STX8: variants seen among roughly 807,000 people sequenced by gnomAD.
STX8 encodes syntaxin 8.
In STX8, 23 loss-of-function variants were observed where a neutral mutation model predicts 37.5. That is an observed-to-expected ratio of 0.61 (90% confidence interval 0.44 to 0.87). The LOEUF (loss-of-function observed/expected upper bound fraction) is 0.87, where lower values mean the gene tolerates loss of function less well. Among genes scored for constraint, STX8 ranks in the 40% least tolerant of loss-of-function variants. The pLI, the probability that STX8 is intolerant of heterozygous loss-of-function variation, is 0.00. For synonymous variants in STX8, 115 were observed against 99.1 expected, an observed-to-expected ratio of 1.16 and a Z score of -0.95; for missense variants, 313 against 284.7, an observed-to-expected ratio of 1.10 and a Z score of -0.71.
At chr17:9,549,240 C>T (rs1906669020) in intron 3 of STX8, among the ~76,000 whole-genome samples, 1 of 152,098 alleles carries the variant, frequency 6.6e-6, no homozygotes, top group South Asian at 2.1e-4. Context: ...AATAAAGGTA[C>T]ATTTTAAAAT....
intron 6 of STX8, among the ~76,000 whole-genome samples, chr17:9,407,961 C>T (rs141760521): frequency 2.3e-3 from 352 of 152,170 alleles, no homozygotes; most frequent in African/African-American, 7.6e-3. Context: ...TTTACAGATG[C>T]AAATGTTCCC....
At chr17:9,407,712 G>A (rs1597652816) in intron 6 of STX8, among the ~76,000 whole-genome samples, 1 of 152,174 alleles carries the variant, frequency 6.6e-6, no homozygotes, top group Non-Finnish European at 1.5e-5. Flanking sequence ...TCCAGGCTAT[G>A]GGTGAATTTA....
At chr17:9,484,746 G>A (rs927789584) in intron 6 of STX8, among the ~76,000 whole-genome samples, 2 of 152,076 alleles carry the variant, frequency 1.3e-5, no homozygotes, top group Non-Finnish European at 2.9e-5. Flanking sequence ...AGAATCACTT[G>A]AACCCGAGAG....
intron 6 of STX8, among the ~76,000 whole-genome samples, chr17:9,476,208 AATACAAAGAAAGCCTATTGCAGCTACCT>A (rs1906098040): frequency 6.6e-6 from 1 of 152,178 alleles, no homozygotes; most frequent in Non-Finnish European, 1.5e-5. Flanking sequence ...AACCTACCCA[AATACAAAGAAAGCCTATTGCAGCTACCT>A]ATACAAATCA....
chr17:9,313,328 C>T (rs769379859), intron 7 of STX8, among the ~76,000 whole-genome samples: 5 of 152,122 alleles, frequency 3.3e-5, no homozygotes, highest in Admixed American at 6.5e-5. Flanking sequence ...CCACTGCAGC[C>T]GGTTTAGCAA....
intron 7 of STX8, among the ~76,000 whole-genome samples, chr17:9,328,813 G>T (rs1909864239): frequency 6.6e-6 from 1 of 152,134 alleles, no homozygotes; most frequent in Non-Finnish European, 1.5e-5. Flanking sequence ...ACTTTGGGAG[G>T]CTGAGACGGG....
chr17:9,308,678 G>A (rs1449773563), intron 7 of STX8, among the ~76,000 whole-genome samples: 1 of 146,136 alleles, frequency 6.8e-6, no homozygotes, highest in Non-Finnish European at 1.5e-5. Context: ...AGCCGAGATC[G>A]TGCCATAGCA....
At chr17:9,447,441 G>T (rs987386668) in intron 6 of STX8, among the ~76,000 whole-genome samples, 2 of 151,936 alleles carry the variant, frequency 1.3e-5, no homozygotes, top group Non-Finnish European at 2.9e-5. Context: ...TTTCTTTTTT[G>T]AGACAGAGTC....
chr17:9,444,850 G>T (rs1250957253), intron 6 of STX8, among the ~76,000 whole-genome samples: 3 of 152,188 alleles, frequency 2.0e-5, no homozygotes, highest in Non-Finnish European at 2.9e-5. Flanking sequence ...GAAAAGAATT[G>T]AAACAGACTC....
At chr17:9,572,889 A>G (rs1907737837) in intron 1 of STX8, among the ~76,000 whole-genome samples, 1 of 152,174 alleles carries the variant, frequency 6.6e-6, no homozygotes, top group South Asian at 2.1e-4. Context: ...TATCAACATT[A>G]ACTGCGGAAG....
At chr17:9,551,645 G>T (rs945319958) in intron 3 of STX8, among the ~76,000 whole-genome samples, 2 of 152,084 alleles carry the variant, frequency 1.3e-5, no homozygotes, top group East Asian at 3.8e-4. Context: ...CATTATGGGG[G>T]GCTAGTCCTG....
At chr17:9,315,443 A>T (rs1023937841) in intron 7 of STX8, among the ~76,000 whole-genome samples, 1 of 152,180 alleles carries the variant, frequency 6.6e-6, no homozygotes, top group Non-Finnish European at 1.5e-5. Context: ...TGAGTCTTCC[A>T]TCTCACCCTT....
intron 6 of STX8, among the ~76,000 whole-genome samples, chr17:9,433,083 C>T (rs1467111383): frequency 2.0e-5 from 3 of 152,170 alleles, no homozygotes; most frequent in Non-Finnish European, 2.9e-5. Context: ...AGTTCTAGTC[C>T]TCTACAAAAC....
At chr17:9,407,079 T>G (rs1004266736) in intron 6 of STX8, among the ~76,000 whole-genome samples, 1 of 152,170 alleles carries the variant, frequency 6.6e-6, no homozygotes, top group South Asian at 2.1e-4. Flanking sequence ...AACTGAATAA[T>G]AAACAGGTCA....
At position 9,279,206 on chromosome 17, in the gene STX8, C is replaced by T. The variant is rs190739647; in HGVS notation, c.644-28561G>A. On this transcript the variant is annotated intron_variant, in intron 7 of 7. Transcript: ENST00000306357. Reference sequence around the variant, plus strand: ...CCAAGTATTTGGGATTACAGGCACCCGCCACCACGCCTGGCTAATTTTGTA... The same window carrying T: ...CCAAGTATTTGGGATTACAGGCACCTGCCACCACGCCTGGCTAATTTTGTA... Among the ~76,000 whole-genome samples, 1,497 of 152,010 alleles carry T rather than the reference C, an allele frequency of 9.8e-3. 16 individuals carry two copies. Among genetic ancestry groups the T allele is most frequent in the African/African-American group, 0.034 (1,411 of 41,460 alleles).
intron 4 of STX8, among the ~76,000 whole-genome samples, chr17:9,526,358 T>C (rs1439882052): frequency 6.6e-6 from 1 of 152,038 alleles, no homozygotes; most frequent in East Asian, 1.9e-4. Flanking sequence ...CAAACACACA[T>C]GGGAGCGTTG....
At chr17:9,267,654 T>C (rs574399750) in intron 7 of STX8, among the ~76,000 whole-genome samples, 2 of 152,136 alleles carry the variant, frequency 1.3e-5, no homozygotes, top group Non-Finnish European at 2.9e-5. Context: ...ATTTATGCAC[T>C]CAAAAAATCC....
chr17:9,410,274 G>A (rs1047388700), intron 6 of STX8, among the ~76,000 whole-genome samples: 1 of 152,108 alleles, frequency 6.6e-6, no homozygotes. Context: ...AATTATATCT[G>A]CTGATAAAGA....
chr17:9,485,301 T>TGACAG (rs915050623), intron 6 of STX8, among the ~76,000 whole-genome samples: 42 of 152,090 alleles, frequency 2.8e-4, no homozygotes, highest in Non-Finnish European at 4.0e-4. Flanking sequence ...GAAGCACAGC[T>TGACAG]GACAGGACAG....
Sources: allele counts gnomAD v4.1 joint callset (sites outside exome capture counted in the v4.1 genomes callset), GRCh38; gene constraint gnomAD v4.1.1; transcripts MANE v1.5; gene names NCBI Gene and HGNC (gene_info 2026-07-23, HGNC 2026-07-21).